Variants in TBX5 observed in about 807,000 individuals in gnomAD.
TBX5 encodes the protein T-box transcription factor 5.
In TBX5, 8 loss-of-function variants were observed where a neutral mutation model predicts 51.1. The observed-to-expected ratio is 0.16, with a 90% confidence interval of 0.09 to 0.28. TBX5 has a LOEUF of 0.28. Among genes scored for constraint, TBX5 ranks in the 10% least tolerant of loss-of-function variants. The pLI, the probability that TBX5 is intolerant of heterozygous loss-of-function variation, is 1.00. For missense variants in TBX5, 589 were observed against 671.7 expected, an observed-to-expected ratio of 0.88 and a Z score of 1.36; for synonymous variants, 302 against 266.4, an observed-to-expected ratio of 1.13 and a Z score of -1.30.
intron 7 of TBX5, among the ~76,000 whole-genome samples, chr12:114,366,904 T>C (rs1254434366): frequency 3.3e-5 from 5 of 152,184 alleles, no homozygotes; most frequent in African/African-American, 9.7e-5. Context: ...TCTGGATAGA[T>C]TGCTGCTAGT....
rs187385499 is a variant in TBX5, at chr12:114,382,183, G to A, written c.755+3293C>T. Among the ~76,000 whole-genome samples, 142 of 152,098 alleles carry A rather than the reference G, an allele frequency of 9.3e-4. 2 individuals are homozygous for A. Among genetic ancestry groups the A allele is most frequent in the Admixed American group, 4.9e-3 (75 of 15,272 alleles). ...ACAAAAATTAGCTGGATGCGGTGCT[G>A]TGTGCCTGGACACCCAGCTCCTTGG... On this transcript the variant is annotated intron_variant, in intron 7 of 8. Coordinates refer to ENST00000405440, the MANE Select transcript of TBX5 (RefSeq NM_181486.4).
At chr12:114,367,487 C>T (rs1869612089) in intron 7 of TBX5, among the ~76,000 whole-genome samples, 1 of 152,152 alleles carries the variant, frequency 6.6e-6, no homozygotes, top group South Asian at 2.1e-4. Flanking sequence ...ACTGGTCCTC[C>T]ACATTCCCTT....
At chr12:114,363,613 T>C (rs952787045) in intron 8 of TBX5, among the ~76,000 whole-genome samples, 3 of 152,188 alleles carry the variant, frequency 2.0e-5, no homozygotes, top group Non-Finnish European at 4.4e-5. Context: ...AATTTTGAGA[T>C]TGTAGCAGAT....
intron 7 of TBX5, among the ~76,000 whole-genome samples, chr12:114,376,943 C>T (rs537443652): frequency 1.6e-4 from 24 of 151,864 alleles, no homozygotes; most frequent in African/African-American, 3.6e-4. Context: ...GGGAATGTGG[C>T]GGGGTTGGGT....
At chr12:114,395,860 C>T (rs966479352) in intron 5 of TBX5, among the ~76,000 whole-genome samples, 5 of 152,076 alleles carry the variant, frequency 3.3e-5, no homozygotes, top group African/African-American at 7.2e-5. Context: ...CCAGGCTGCA[C>T]GTTCTTGCTG....
chr12:114,380,667 G>A (rs540911861), intron 7 of TBX5, among the ~76,000 whole-genome samples: 12 of 152,096 alleles, frequency 7.9e-5, no homozygotes, highest in Admixed American at 6.5e-5. Context: ...GTGAGATTCC[G>A]TCGCTACAAA....
intron 6 of TBX5, among the ~76,000 whole-genome samples, chr12:114,388,007 T>G (rs1261866242): frequency 6.6e-6 from 1 of 152,026 alleles, no homozygotes; most frequent in African/African-American, 2.4e-5. Context: ...GGGCTAATTT[T>G]TTTATTTTTA....
intron 7 of TBX5, among the ~76,000 whole-genome samples, chr12:114,382,293 A>G (rs924642167): frequency 3.3e-5 from 5 of 152,046 alleles, no homozygotes; most frequent in Non-Finnish European, 7.4e-5. Flanking sequence ...CAGCCTGGGC[A>G]ACAGAGCGAG....
chr12:114,384,369 G>A (rs1220481243), intron 7 of TBX5, among the ~76,000 whole-genome samples: 2 of 151,944 alleles, frequency 1.3e-5, no homozygotes, highest in Admixed American at 1.3e-4. Context: ...TCAAATTCCT[G>A]GGTTCAAGAA....
intron 7 of TBX5, among the ~76,000 whole-genome samples, chr12:114,374,979 T>G (rs748931605): frequency 6.6e-6 from 1 of 152,278 alleles, no homozygotes; most frequent in Non-Finnish European, 1.5e-5. Context: ...AAATTTTAAT[T>G]GTAGACTCTA....
intron 8 of TBX5, among the ~76,000 whole-genome samples, chr12:114,361,634 C>T (rs1261256401): frequency 6.6e-6 from 1 of 152,092 alleles, no homozygotes; most frequent in Non-Finnish European, 1.5e-5. Context: ...TTTCATTGGG[C>T]CTGACTCCTG....
intron 7 of TBX5, among the ~76,000 whole-genome samples, chr12:114,367,250 A>C (rs1407844952): frequency 9.0e-6 from 1 of 110,996 alleles, no homozygotes; most frequent in Admixed American, 8.4e-5. Flanking sequence ...AGAAACAAAA[A>C]AGGAAAGAAA....
Position 114,354,146 on chromosome 12 carries a change from GA to G in TBX5, c.*1385del, listed in dbSNP as rs35534655. 119,799 of 150,868 alleles carry G rather than the reference GA, an allele frequency of 0.79. 47,648 individuals carry two copies. Among genetic ancestry groups the G allele is most frequent in the East Asian group, 0.91 (4,667 of 5,130 alleles). 9.3% of individuals were successfully genotyped at this position (150,868 alleles called of 1,614,324 possible). Reference sequence around the variant, plus strand: ...TTATTAGGGTCTGTTTATAAAAAAGGAAAAAAAAAATTCTTTTTAATCAAAA... The same window carrying G: ...TTATTAGGGTCTGTTTATAAAAAAGGAAAAAAAAATTCTTTTTAATCAAAA... On this transcript the variant is annotated 3_prime_UTR_variant, in exon 9 of 9. Coordinates refer to ENST00000405440, the MANE Select transcript of TBX5 (RefSeq NM_181486.4).
In TBX5 at chr12:114,390,892, T is replaced by G. The variant is rs1871111305; in HGVS notation, c.663+3849A>C. 2.6e-5 allele frequency among the ~76,000 whole-genome samples: 4 copies of G among 152,108 alleles called. No individual in the cohort carries two copies. The South Asian group carries it at 8.3e-4, about 32-fold the overall frequency. ...CAGAATGAACGTCGCTGGGGAAGAT[T>G]TGAGTTTTTAAATATCTTTTTTAAG... is the stretch of plus-strand genomic sequence containing the variant. On this transcript the variant is annotated intron_variant, in intron 6 of 8. Coordinates refer to ENST00000405440, the MANE Select transcript of TBX5 (RefSeq NM_181486.4).
intron 8 of TBX5, among the ~76,000 whole-genome samples, chr12:114,360,126 C>G (rs1038071426): frequency 6.6e-6 from 1 of 152,158 alleles, no homozygotes; most frequent in Non-Finnish European, 1.5e-5. Context: ...GAACCATTGG[C>G]GAGTCTTCCC....
At chr12:114,396,209 C>T (rs2136412996) in intron 5 of TBX5, among the ~76,000 whole-genome samples, 1 of 151,950 alleles carries the variant, frequency 6.6e-6, no homozygotes, top group African/African-American at 2.4e-5. Flanking sequence ...CCCCGGGCCG[C>T]GCGTCTCTAA....
chr12:114,361,271 G>A (rs940666987), intron 8 of TBX5, among the ~76,000 whole-genome samples: 2 of 152,152 alleles, frequency 1.3e-5, no homozygotes, highest in East Asian at 1.9e-4. Context: ...ATGTGAAATC[G>A]CATTTTAAAA....
At position 114,355,432 on chromosome 12, in the gene TBX5, G is replaced by T; in HGVS notation, c.*100C>A. 1 of 1,440,640 alleles carries T rather than the reference G, an allele frequency of 6.9e-7. No individual in the cohort carries two copies. The highest frequency in any genetic ancestry group is 9.5e-7 in the Non-Finnish European group (1 of 1,047,638). The allele number at this position is 1,440,640 out of a possible 1,614,324, so 89.2% of individuals were successfully genotyped here. ...AACATTGGGTGAAATGAAAAATCTT[G>T]TCCGTGGGGTTCTCTTGGCTACTGT... On this transcript the variant is annotated 3_prime_UTR_variant, in exon 9 of 9. Transcript: ENST00000405440.
At chr12:114,375,460 T>C (rs112616460) in intron 7 of TBX5, among the ~76,000 whole-genome samples, 225 of 152,100 alleles carry the variant, frequency 1.5e-3, no homozygotes, top group African/African-American at 4.8e-3. Context: ...AAAAATCCCA[T>C]TAAAAAATGG....
Sources: gnomAD v4.1 joint callset for allele counts (sites outside exome capture counted in the v4.1 genomes callset) on GRCh38, gnomAD v4.1.1 for gene constraint, MANE v1.5 for transcripts, NCBI Gene and HGNC (gene_info 2026-07-23, HGNC 2026-07-21) for gene names.